The following MTOR variants were observed in gnomAD, a reference collection of about 807,000 sequenced individuals.
The protein encoded by MTOR is serine/threonine-protein kinase mTOR.
A neutral mutation model predicts 319.8 loss-of-function variants in MTOR; 70 were observed. The ratio of observed to expected loss-of-function variants is 0.22; its 90% CI spans 0.18 to 0.27. The LOEUF (loss-of-function observed/expected upper bound fraction) is 0.27. Ranked by LOEUF, MTOR falls within the 10% of genes least tolerant of loss-of-function variation. The pLI is 1.00. For missense variants in MTOR, 1,890 were observed against 3,274.4 expected (o/e 0.58, Z 10.32); for synonymous variants, 1,183 against 1,211.4 (o/e 0.98, Z 0.49).
chr1:11,199,504 T>C lies in MTOR; in HGVS notation c.4107+37A>G, dbSNP rs764362129. On this transcript the variant is annotated intron_variant, in intron 27 of 57. Coordinates refer to ENST00000361445, the MANE Select transcript of MTOR (RefSeq NM_004958.4). The surrounding 1 kb of genome is among the most constrained non-coding windows in gnomAD (Gnocchi z 4.5). ...TCTCTCCTCCCACCAGCTGGTTCCC[T>C]GTCAGCCTCCATCTGGACAATGGGG... is the stretch of plus-strand genomic sequence containing the variant. 1 of 1,613,858 alleles carries C rather than the reference T, an allele frequency of 6.2e-7. No homozygotes were observed. The highest frequency in any genetic ancestry group is 8.5e-7 in the Non-Finnish European group (1 of 1,179,716).
At chr1:11,256,880 C>G in intron 4 of MTOR, 53 bp downstream of exon 4, 1 of 1,543,276 alleles carries the variant, frequency 6.5e-7, no homozygotes, top group Non-Finnish European at 8.9e-7. Context: ...AAGACCCCCC[C>G]ATGACACCAT....
chr1:11,188,286 T>C (rs1379781167), intron 28 of MTOR, among the ~76,000 whole-genome samples: 1 of 152,236 alleles, frequency 6.6e-6, no homozygotes, highest in Non-Finnish European at 1.5e-5. Context: ...TGAAACTCCA[T>C]GTTTTTCACA....
chr1:11,185,427 GA>G (rs1425772489), intron 28 of MTOR, among the ~76,000 whole-genome samples: 8 of 144,836 alleles, frequency 5.5e-5, no homozygotes, highest in African/African-American at 2.1e-4. Context: ...AAAAAAAAAA[GA>G]AAAGAAAGAA....
At chr1:11,119,325 G>C (rs139887331) in intron 49 of MTOR, among the ~76,000 whole-genome samples, 124 of 151,944 alleles carry the variant, frequency 8.2e-4, no homozygotes, top group Middle Eastern at 3.4e-3. Context: ...CCAGCACTTT[G>C]AGAGGCTGAG....
Position 11,127,082 on chromosome 1 carries a change from A to G in MTOR, c.6279T>C (p.Asn2093=), listed in dbSNP as rs769391924. The change falls in exon 45 of 58, where the codon AAT becomes AAC. Residue 2093 remains asparagine, a synonymous_variant. Coordinates refer to ENST00000361445, the MANE Select transcript of MTOR (RefSeq NM_004958.4). This position sits in a 1 kb window ranked among gnomAD's most constrained non-coding sequence, Gnocchi z 5.5. ...CCCAGGCTTGGGTGAGGTCCTTGAC[A>G]TTCCCTGATTTCATGTACTTCCTGC... ...EWCRKYMKSG[N]VKDLTQAWDL... is the part of the protein sequence containing the mutation. 1.2e-5 allele frequency: 19 copies of G among 1,614,228 alleles called. No homozygotes were observed. The East Asian group carries it at 2.2e-4, about 19-fold the overall frequency.
intron 34 of MTOR, among the ~76,000 whole-genome samples, chr1:11,142,780 TG>T (rs1191885521): frequency 6.6e-6 from 1 of 152,196 alleles, no homozygotes; most frequent in Non-Finnish European, 1.5e-5. Flanking sequence ...TGAGCCTGAC[TG>T]GAGAACCCAA....
rs145704730 is a variant in MTOR at position 11,255,586 on chromosome 1, C to T, written c.705+406G>A. Among the ~76,000 whole-genome samples the T allele has an allele frequency of 5.3e-5, 8 of 152,176 alleles. No individual in the cohort carries two copies. The East Asian group carries it at 7.8e-4, about 15-fold the overall frequency. On this transcript the variant is annotated intron_variant, in intron 5 of 57. Coordinates refer to ENST00000361445, the MANE Select transcript of MTOR (RefSeq NM_004958.4). ...TCATTGGAGGCCAGGCGCGGTAGCT[C>T]ATGTCTGTAATCCCAGCACTTTGAG... is the stretch of plus-strand genomic sequence containing the variant.
At chr1:11,245,543 A>G (rs1454624059) in intron 8 of MTOR, among the ~76,000 whole-genome samples, 1 of 152,136 alleles carries the variant, frequency 6.6e-6, no homozygotes, top group Non-Finnish European at 1.5e-5. Context: ...CTAAAATTAG[A>G]GTGGGTCAAC....
chr1:11,212,988 C>A lies in MTOR; in HGVS notation c.3286-80G>T, dbSNP rs1646358915. ...GACACGCAGCGGGTGGTGGTGTAGA[C>A]AATTCAAAGTTCTCTGGGGACTGGG... On this transcript the variant is annotated intron_variant, in intron 21 of 57. Transcript: ENST00000361445. This position sits in a 1 kb window ranked among gnomAD's most constrained non-coding sequence, Gnocchi z 4.1. The A allele has an allele frequency of 6.4e-6, 7 of 1,091,696 alleles. No homozygotes were observed. The highest frequency in any genetic ancestry group is 9.8e-6 in the Non-Finnish European group (7 of 715,934). The allele number at this position is 1,091,696 out of a possible 1,614,324, so 67.6% of individuals were successfully genotyped here.
At chr1:11,237,684 A>C (rs1303764371) in intron 13 of MTOR, among the ~76,000 whole-genome samples, 159 bp downstream of exon 13, 1 of 152,174 alleles carries the variant, frequency 6.6e-6, no homozygotes, top group African/African-American at 2.4e-5. Flanking sequence ...GCCATTATAA[A>C]GCCAGGGAAA....
At chr1:11,114,293 C>T (rs2100313997) in intron 53 of MTOR, 25 bp downstream of exon 53, 1 of 1,612,580 alleles carries the variant, frequency 6.2e-7, no homozygotes, top group Non-Finnish European at 8.5e-7. Flanking sequence ...CTGAGCTCAG[C>T]TCCCAGGCAC....
At chr1:11,187,214 G>T (rs2100690423) in intron 28 of MTOR, among the ~76,000 whole-genome samples, 1 of 151,832 alleles carries the variant, frequency 6.6e-6, no homozygotes, top group Admixed American at 6.6e-5. Flanking sequence ...ACTGTTACAT[G>T]AGAGTTCCAA....
chr1:11,260,714 CCATT>C (rs1422069196), intron 1 of MTOR, among the ~76,000 whole-genome samples: 1 of 93,960 alleles, frequency 1.1e-5, no homozygotes, highest in Non-Finnish European at 2.8e-5. Flanking sequence ...GATATAGTGT[CCATT>C]CTTTTTTTTT....
chr1:11,194,923 A>G (rs1557829991), intron 28 of MTOR: 3 of 1,614,184 alleles, frequency 1.9e-6, no homozygotes, highest in African/African-American at 1.3e-5. Context: ...GGTGAGCACA[A>G]TAAGCACCTG....
intron 8 of MTOR, among the ~76,000 whole-genome samples, chr1:11,246,935 A>C (rs1648914261): frequency 6.6e-6 from 1 of 152,224 alleles, no homozygotes; most frequent in South Asian, 2.1e-4. Flanking sequence ...TGTGCCAGGC[A>C]CTATAGTAGA....
At chr1:11,202,994 T>C (rs1418787223) in intron 26 of MTOR, among the ~76,000 whole-genome samples, 2 of 151,286 alleles carry the variant, frequency 1.3e-5, no homozygotes, top group Admixed American at 6.6e-5. Context: ...AGGTGGATCA[T>C]TTGAGGTCAG....
At chr1:11,120,184 C>T (rs1247278739) in intron 49 of MTOR, among the ~76,000 whole-genome samples, 1 of 151,990 alleles carries the variant, frequency 6.6e-6, no homozygotes, top group Admixed American at 6.6e-5. Flanking sequence ...TCAAATGATC[C>T]TTCCGAGTAG....
At chr1:11,186,543 G>T (rs1293629712) in intron 28 of MTOR, among the ~76,000 whole-genome samples, 1 of 152,178 alleles carries the variant, frequency 6.6e-6, no homozygotes, top group Non-Finnish European at 1.5e-5. Context: ...TGGAGAAAAG[G>T]AAAATCTAAA....
rs1482369896 is a variant in MTOR, at chr1:11,128,881, C to T, written c.5785G>A (p.Ala1929Thr). Residue 1929 changes from alanine (A) to threonine (T), a missense_variant, in exon 41 of 58, where the codon GCC becomes ACC. Ala to Thr is a moderately conservative substitution (Grantham distance 58). Coordinates refer to ENST00000361445, the MANE Select transcript of MTOR (RefSeq NM_004958.4). This position sits in a 1 kb window ranked among gnomAD's most constrained non-coding sequence, Gnocchi z 5.3. ...VNEALVEGVKAIQIDTWLQVI... is the reference protein window; with the variant it reads ...VNEALVEGVKTIQIDTWLQVI... Reference sequence around the variant, plus strand: ...TGTAGCCAGGTATCAATCTGGATGGCTTTCACCCCCTCCACTAAGGCCTCA... The same window carrying T: ...TGTAGCCAGGTATCAATCTGGATGGTTTTCACCCCCTCCACTAAGGCCTCA... The T allele has an allele frequency of 6.2e-7, 1 of 1,613,794 alleles. No homozygotes were observed. Among genetic ancestry groups the T allele is most frequent in the Non-Finnish European group, 8.5e-7 (1 of 1,179,910 alleles).
Sources: allele counts gnomAD v4.1 joint callset (sites outside exome capture counted in the v4.1 genomes callset), GRCh38; gene constraint gnomAD v4.1.1; non-coding constraint Gnocchi (gnomAD v3.1); transcripts MANE v1.5; gene names NCBI Gene and HGNC (gene_info 2026-07-23, HGNC 2026-07-21).